Variants in PCNT observed in about 807,000 individuals in gnomAD.
The protein encoded by PCNT is kendrin.
Under a neutral mutation model 380.4 loss-of-function variants are expected in PCNT, and 319 were observed. The observed-to-expected ratio is 0.84, with a 90% CI of 0.77 to 0.92. The LOEUF is 0.92. Among genes scored for constraint, PCNT ranks in the 40% least tolerant of loss-of-function variants. The pLI is 0.00. For missense variants in PCNT, 4,400 were observed against 4,255.3 expected (o/e 1.03, Z -0.95); for synonymous variants, 1,845 against 1,735.2 (o/e 1.06, Z -1.57).
rs551988383 is a variant in PCNT at position 46,350,997 on chromosome 21, T to C, written c.1345-432T>C. Among the ~76,000 whole-genome samples the C allele has an allele frequency of 8.5e-5, 13 of 152,276 alleles. No homozygotes were observed. In the South Asian group the frequency reaches 2.5e-3, roughly 29 times the overall value. On this transcript the variant is annotated intron_variant, in intron 8 of 46. Transcript: ENST00000359568. ...GTGTAAGAGGTACCTGCTTCCTTAA[T>C]GTAGAAGTATTGAAACTGAGAGACC...
chr21:46,393,950 G>T (rs1359327003), intron 21 of PCNT, among the ~76,000 whole-genome samples: 1 of 152,266 alleles, frequency 6.6e-6, no homozygotes, highest in Non-Finnish European at 1.5e-5. Context: ...CGCCTGGCAT[G>T]CCGGGAGTGG....
intron 32 of PCNT, 88 bp downstream of exon 32, chr21:46,422,212 G>A: frequency 6.6e-7 from 1 of 1,504,284 alleles, no homozygotes; most frequent in African/African-American, 1.4e-5. Context: ...GCCGGGGAGA[G>A]CCTTGGAGGG....
chr21:46,359,898 C>T lies in PCNT; in HGVS notation c.2154+2707C>T, dbSNP rs183266493. 3.3e-5 allele frequency among the ~76,000 whole-genome samples: 5 copies of T among 151,386 alleles called. No homozygotes were observed. In the East Asian group the frequency reaches 7.8e-4, roughly 23 times the overall value. On this transcript the variant is annotated intron_variant, in intron 13 of 46. Transcript: ENST00000359568. ...CTTTTTTTTTGAGACAGGCTATTGC[C>T]CAGGCTGGAGTGCAGTGGCACAGTC...
Position 46,326,435 on chromosome 21 carries a change from C to T in PCNT, c.113C>T (p.Thr38Met), listed in dbSNP as rs148951203. 3.7e-6 allele frequency: 6 copies of T among 1,614,062 alleles called. No homozygotes were observed. Among genetic ancestry groups the T allele is most frequent in the East Asian group, 2.2e-5 (1 of 44,900 alleles). Residue 38 changes from threonine to methionine, a missense_variant, in exon 2 of 47, where the codon ACG (threonine) becomes ATG (methionine). Thr to Met is a moderately conservative substitution (Grantham distance 81). Coordinates refer to ENST00000359568, the MANE Select transcript of PCNT (RefSeq NM_006031.6). ...KGDSSHSEKK[T>M]AKRKGSAVDA... ...GACAGTTCGCATTCGGAGAAAAAGA[C>T]GGCGAAGAGGAAGGGCTCGGCTGTC...
chr21:46,436,216 G>A (rs765815184), intron 39 of PCNT, 68 bp downstream of exon 39: 37 of 1,573,274 alleles, frequency 2.4e-5, no homozygotes, highest in Non-Finnish European at 2.5e-5. Context: ...GACCCGGCCC[G>A]AGGGCTGGGG....
At chr21:46,394,641 A>C in intron 21 of PCNT, 1 of 313,942 alleles carries the variant, frequency 3.2e-6, no homozygotes, top group Non-Finnish European at 4.6e-6. Context: ...TTTGTGGCAA[A>C]CAATAAATAC....
At chr21:46,442,217 G>A (rs1326393948) in intron 43 of PCNT, among the ~76,000 whole-genome samples, 2 of 152,140 alleles carry the variant, frequency 1.3e-5, no homozygotes, top group Non-Finnish European at 2.9e-5. Flanking sequence ...GGCCATGGTG[G>A]GTGTCTAGGG....
intron 13 of PCNT, among the ~76,000 whole-genome samples, chr21:46,362,182 C>T (rs1008521401): frequency 1.4e-4 from 22 of 151,962 alleles, no homozygotes; most frequent in African/African-American, 5.3e-4. Flanking sequence ...GGAGTCTGCC[C>T]CTCGTATGTA....
Position 46,433,864 on chromosome 21 carries a change from C to T in PCNT, c.8751+1649C>T, listed in dbSNP as rs187930761. On this transcript the variant is annotated intron_variant, in intron 38 of 46. Transcript: ENST00000359568. ...TTGGCTCACTGCAACCTCCACCTCCCGGGTTCAAGTGATTCTCCTGCCTCA... is the reference window on the plus strand; with the variant it reads ...TTGGCTCACTGCAACCTCCACCTCCTGGGTTCAAGTGATTCTCCTGCCTCA... Among the ~76,000 whole-genome samples the T allele has an allele frequency of 1.9e-3, 283 of 152,230 alleles. 2 individuals are homozygous for T. Among genetic ancestry groups the T allele is most frequent in the Non-Finnish European group, 3.3e-3 (223 of 68,016 alleles).
intron 15 of PCNT, among the ~76,000 whole-genome samples, chr21:46,370,487 G>A (rs1198120297): frequency 2.6e-5 from 4 of 152,110 alleles, no homozygotes; most frequent in African/African-American, 9.7e-5. Context: ...ATGGCATAGG[G>A]AGGGGCATGG....
chr21:46,359,193 T>A (rs2084594302), intron 13 of PCNT, among the ~76,000 whole-genome samples: 1 of 151,598 alleles, frequency 6.6e-6, no homozygotes, highest in Non-Finnish European at 1.5e-5. Flanking sequence ...TCTCAAGTGA[T>A]CTGCCCGCCT....
chr21:46,345,756 C>T (rs551154317), intron 3 of PCNT, among the ~76,000 whole-genome samples: 80 of 152,350 alleles, frequency 5.3e-4, no homozygotes, highest in African/African-American at 1.9e-3. Context: ...TCCCTCAGCT[C>T]CTCGCAGCCT....
intron 45 of PCNT, among the ~76,000 whole-genome samples, chr21:46,444,293 C>T (rs1001473285): frequency 1.3e-5 from 2 of 152,080 alleles, no homozygotes; most frequent in Admixed American, 1.3e-4. Context: ...AAAGGGATAC[C>T]CCTGGTGCTC....
intron 37 of PCNT, chr21:46,430,902 C>G (rs927994962): frequency 2.5e-4 from 243 of 985,302 alleles, no homozygotes; most frequent in Non-Finnish European, 2.9e-4. Flanking sequence ...AGCCCCCCCC[C>G]GTCCCTGAGC....
chr21:46,326,666 C>T, intron 2 of PCNT, 77 bp downstream of exon 2: 3 of 1,467,338 alleles, frequency 2.0e-6, no homozygotes, highest in East Asian at 2.3e-5. Context: ...TAAAGATGGT[C>T]TTTGGTCTGT....
At chr21:46,400,219 G>T (rs1485700679) in intron 25 of PCNT, among the ~76,000 whole-genome samples, 1 of 152,166 alleles carries the variant, frequency 6.6e-6, no homozygotes, top group African/African-American at 2.4e-5. Flanking sequence ...GTTTTGCATT[G>T]CTGGTGTTTG....
In PCNT at chr21:46,421,994, G is replaced by A; in HGVS notation, c.7049G>A (p.Arg2350Lys). The A allele has an allele frequency of 6.2e-7, 1 of 1,614,130 alleles. No homozygotes were observed. ...EKSDGSGFGA[R>K]LSPGSGGPEA... ...GGTGACGGCTCGGGTTTTGGAGCAA[G>A]ACTGAGCCCGGGGTCAGGAGGCCCT... The change falls in exon 32 of 47, where the codon AGA becomes AAA. Residue 2350 changes from arginine (R) to lysine (K), a missense_variant. Arg to Lys is a conservative substitution (Grantham distance 26). Transcript: ENST00000359568.
chr21:46,369,494 C>A (rs2085044737), intron 15 of PCNT, among the ~76,000 whole-genome samples: 1 of 152,250 alleles, frequency 6.6e-6, no homozygotes, highest in East Asian at 1.9e-4. Context: ...CTTCAGTTTC[C>A]TTTCGTTCCC....
chr21:46,414,423 C>T lies in PCNT; in HGVS notation c.6150+1431C>T, dbSNP rs552926427. On this transcript the variant is annotated intron_variant, in intron 29 of 46. Coordinates refer to ENST00000359568, the MANE Select transcript of PCNT (RefSeq NM_006031.6). Reference sequence around the variant, plus strand: ...CTGGGACACACATCTGTCCACCCTCCTCCTCCTCCTCCTCCTGGACACAGT... The same window carrying T: ...CTGGGACACACATCTGTCCACCCTCTTCCTCCTCCTCCTCCTGGACACAGT... Among the ~76,000 whole-genome samples, 23 of 149,414 alleles carry T rather than the reference C, an allele frequency of 1.5e-4. No homozygotes were observed. In the East Asian group the frequency reaches 3.6e-3, roughly 23 times the overall value.
Sources: allele counts gnomAD v4.1 joint callset (sites outside exome capture counted in the v4.1 genomes callset), GRCh38; gene constraint gnomAD v4.1.1; transcripts MANE v1.5; gene names NCBI Gene and HGNC (gene_info 2026-07-23, HGNC 2026-07-21).